TTC7A: variants seen among roughly 807,000 people sequenced by gnomAD.
The protein encoded by TTC7A is tetratricopeptide repeat domain 7A, also known as tetratricopeptide repeat protein 7A.
A neutral mutation model predicts 103.7 loss-of-function variants in TTC7A; 110 were observed. The observed-to-expected ratio is 1.06, with a 90% CI of 0.91 to 1.24. The LOEUF is 1.24. TTC7A is among the 50% of genes most tolerant of loss of function. TTC7A has a pLI of 0.00. For synonymous variants in TTC7A, 521 were observed against 467.9 expected, an observed-to-expected ratio of 1.11 and a Z score of -1.47; for missense variants, 1,340 against 1,116.3, an observed-to-expected ratio of 1.20 and a Z score of -2.86.
intron 2 of TTC7A, among the ~76,000 whole-genome samples, chr2:46,952,418 A>G (rs182113538): frequency 1.3e-5 from 2 of 152,230 alleles, no homozygotes; most frequent in Non-Finnish European, 2.9e-5. Context: ...ATTCAGCCTT[A>G]TTGTAAAAAT....
At chr2:46,966,902 T>TG (rs1672905223) in intron 3 of TTC7A, among the ~76,000 whole-genome samples, 1 of 150,770 alleles carries the variant, frequency 6.6e-6, no homozygotes, top group Admixed American at 6.6e-5. Flanking sequence ...TGTTTTTTGT[T>TG]TTTTTTTTTT....
chr2:47,010,663 G>A (rs971340116), intron 10 of TTC7A, among the ~76,000 whole-genome samples: 2 of 151,964 alleles, frequency 1.3e-5, no homozygotes, highest in African/African-American at 2.4e-5. Context: ...CCCCAACCCC[G>A]CCATTGGCCA....
intron 5 of TTC7A, among the ~76,000 whole-genome samples, chr2:46,991,507 A>G (rs192054990): frequency 2.6e-5 from 4 of 152,258 alleles, no homozygotes; most frequent in Admixed American, 2.6e-4. Flanking sequence ...AGTGTGGGAC[A>G]AGTACTTCTA....
chr2:46,950,279 T>C, intron 1 of TTC7A, 84 bp from the exon 2 acceptor site: 2 of 1,450,932 alleles, frequency 1.4e-6, no homozygotes, highest in Non-Finnish European at 1.9e-6. Flanking sequence ...GTATGGGTGG[T>C]TGGGTGGGTC....
chr2:47,059,773 A>T (rs2104774137), intron 18 of TTC7A, among the ~76,000 whole-genome samples: 1 of 152,014 alleles, frequency 6.6e-6, no homozygotes, highest in East Asian at 1.9e-4. Flanking sequence ...CCCAGTGCAA[A>T]CCCTGTCTTC....
intron 3 of TTC7A, among the ~76,000 whole-genome samples, chr2:46,960,874 T>C (rs1443085517): frequency 6.6e-6 from 1 of 152,248 alleles, no homozygotes; most frequent in East Asian, 1.9e-4. Flanking sequence ...ATGAGGACTT[T>C]CTCCTCTCTG....
chr2:47,030,773 T>C (rs1478664388), intron 15 of TTC7A, among the ~76,000 whole-genome samples: 2 of 151,998 alleles, frequency 1.3e-5, no homozygotes, highest in East Asian at 1.9e-4. Context: ...GTAAGCAGAG[T>C]GTGTGGCCAA....
chr2:47,001,444 C>T (rs1009879387), intron 8 of TTC7A, among the ~76,000 whole-genome samples: 1 of 152,096 alleles, frequency 6.6e-6, no homozygotes, highest in Non-Finnish European at 1.5e-5. Context: ...CAAGGTAGTT[C>T]ATCTTCTGGG....
At chr2:46,983,769 AG>A (rs1047579788) in intron 5 of TTC7A, among the ~76,000 whole-genome samples, 1 of 152,212 alleles carries the variant, frequency 6.6e-6, no homozygotes, top group Non-Finnish European at 1.5e-5. Flanking sequence ...CTTATGGGAA[AG>A]TCTGTAAAAT....
intron 5 of TTC7A, among the ~76,000 whole-genome samples, chr2:46,990,365 GC>G: frequency 6.6e-6 from 1 of 152,280 alleles, no homozygotes; most frequent in South Asian, 2.1e-4. Flanking sequence ...CTTGTGGGGG[GC>G]CCGGGCCTGT....
In TTC7A at chr2:46,947,610, A is replaced by G. The variant is rs1349494478; in HGVS notation, c.185-2753A>G. Among the ~76,000 whole-genome samples the G allele has an allele frequency of 2.0e-5, 3 of 152,124 alleles. No homozygotes were observed. In the East Asian group the frequency reaches 5.8e-4, roughly 29 times the overall value. ...TGCGTGCCTGTAGTCCCAGCTACTC[A>G]GTAGGCTGAGGCAGGAGAATCCTTT... On this transcript the variant is annotated intron_variant, in intron 1 of 19. Transcript: ENST00000319190.
chr2:46,979,850 C>A (rs1282895704), intron 5 of TTC7A, among the ~76,000 whole-genome samples: 1 of 152,198 alleles, frequency 6.6e-6, no homozygotes, highest in Non-Finnish European at 1.5e-5. Flanking sequence ...TAGACAGACA[C>A]AGTGGGCTGG....
At chr2:47,038,068 T>C (rs557179637) in intron 15 of TTC7A, among the ~76,000 whole-genome samples, 16 of 151,680 alleles carry the variant, frequency 1.1e-4, no homozygotes, top group Non-Finnish European at 2.2e-4. Context: ...CTGACCAACA[T>C]AGTGAAACCC....
intron 8 of TTC7A, among the ~76,000 whole-genome samples, chr2:47,004,933 T>C (rs11899526): frequency 0.34 from 51,068 of 151,962 alleles, 10,168 homozygotes; most frequent in African/African-American, 0.56. Flanking sequence ...GGTGGGACTA[T>C]CTGCACATAC....
chr2:46,942,980 AC>A (rs1156648090), intron 1 of TTC7A, among the ~76,000 whole-genome samples: 1 of 152,068 alleles, frequency 6.6e-6, no homozygotes, highest in African/African-American at 2.4e-5. Flanking sequence ...ATCTCAGCTC[AC>A]TGCAGCCTCA....
chr2:46,939,011 A>C (rs1437385045), upstream of TTC7A, among the ~76,000 whole-genome samples: 4 of 123,446 alleles, frequency 3.2e-5, no homozygotes, highest in African/African-American at 1.4e-4. Flanking sequence ...ACTCTGTCTC[A>C]AAAAAAAAAA....
At chr2:47,038,075 AC>A (rs1191642332) in intron 15 of TTC7A, among the ~76,000 whole-genome samples, 1 of 151,776 alleles carries the variant, frequency 6.6e-6, no homozygotes, top group Non-Finnish European at 1.5e-5. Context: ...ACATAGTGAA[AC>A]CCCATCTGTA....
chr2:46,956,928 G>A lies in TTC7A; in HGVS notation c.438G>A (p.Arg146=). 6.2e-7 allele frequency: 1 copy of A among 1,614,208 alleles called. No individual in the cohort carries two copies. The highest frequency in any genetic ancestry group is 1.1e-5 in the South Asian group (1 of 91,082). Residue 146 remains arginine (R), a synonymous_variant, in exon 3 of 20, where the codon CGG becomes CGA. Transcript: ENST00000319190. ...GAGATGCCATCAGCATGTACGCACGGGCCGGGATTGATGACATGTCCATGG... is the reference window on the plus strand; with the variant it reads ...GAGATGCCATCAGCATGTACGCACGAGCCGGGATTGATGACATGTCCATGG... The part of the protein sequence containing the change: ...SYRDAISMYA[R]AGIDDMSMEN...
At chr2:46,974,791 C>G in intron 3 of TTC7A, 182 bp from the exon 4 acceptor site, 1 of 789,848 alleles carries the variant, frequency 1.3e-6, no homozygotes, top group South Asian at 1.5e-5. Context: ...ATCGCTTACT[C>G]CCAGCCACTG....
Sources: allele counts gnomAD v4.1 joint callset (sites outside exome capture counted in the v4.1 genomes callset), GRCh38; gene constraint gnomAD v4.1.1; transcripts MANE v1.5; gene names NCBI Gene and HGNC (gene_info 2026-07-23, HGNC 2026-07-21).